The following WDR46 variants were observed in gnomAD, a reference collection of about 807,000 sequenced individuals.
The protein encoded by WDR46 is WD repeat-containing protein 46.
A neutral mutation model predicts 74.7 loss-of-function variants in WDR46; 58 were observed. The ratio of observed to expected loss-of-function variants is 0.78; its 90% CI spans 0.63 to 0.97. The LOEUF (loss-of-function observed/expected upper bound fraction) is 0.97, where lower values mean the gene tolerates loss of function less well. Ranked by LOEUF, WDR46 falls within the 50% of genes least tolerant of loss-of-function variation. The probability of loss-of-function intolerance (pLI) is 0.00; values close to 1 mark genes in which losing one functional copy is unlikely to be tolerated. For synonymous variants in WDR46, 278 were observed against 297.3 expected, an observed-to-expected ratio of 0.93 and a Z score of 0.67; for missense variants, 702 against 790.1, an observed-to-expected ratio of 0.89 and a Z score of 1.34.
At chr6:33,289,076 C>T in intron 1 of WDR46, 26 bp downstream of exon 1, 2 of 1,571,292 alleles carry the variant, frequency 1.3e-6, no homozygotes, top group Non-Finnish European at 1.8e-6. Flanking sequence ...CTAAAAACTT[C>T]GTTTCCCACC....
At chr6:33,279,403 G>A (rs1293438975) in intron 14 of WDR46, 29 bp from the exon 15 acceptor site, 2 of 1,612,426 alleles carry the variant, frequency 1.2e-6, no homozygotes, top group Admixed American at 3.3e-5. Flanking sequence ...GAGGACACAG[G>A]CACAGAGTGA....
At chr6:33,284,108 C>T (rs1766414251) in intron 10 of WDR46, among the ~76,000 whole-genome samples, 1 of 151,698 alleles carries the variant, frequency 6.6e-6, no homozygotes, top group South Asian at 2.1e-4. Flanking sequence ...ATTAACTGGG[C>T]GTGGTTCGTG....
chr6:33,281,137 TCA>T (rs1414532912), intron 10 of WDR46, 150 bp from the exon 11 acceptor site: 5 of 737,828 alleles, frequency 6.8e-6, no homozygotes, highest in Non-Finnish European at 1.1e-5. Flanking sequence ...AGGCATCCTC[TCA>T]GTTAAGCTGC....
rs778624706 is a variant in WDR46, at chr6:33,280,408, C to T, written c.1524+20G>A. ...CCAGCAATGGGGGGGATCTCACCCTCTCCAGCAGGGGAGCCTCACCTTCTC... is the reference window on the plus strand; with the variant it reads ...CCAGCAATGGGGGGGATCTCACCCTTTCCAGCAGGGGAGCCTCACCTTCTC... On this transcript the variant is annotated intron_variant, in intron 12 of 14. Transcript: ENST00000374617. The T allele has an allele frequency of 6.4e-7, 1 of 1,558,402 alleles. No individual in the cohort carries two copies. Among genetic ancestry groups the T allele is most frequent in the East Asian group, 2.4e-5 (1 of 41,800 alleles).
In WDR46 at chr6:33,288,701, G is replaced by T; in HGVS notation, c.280-7C>A. 1 of 1,613,274 alleles carries T rather than the reference G, an allele frequency of 6.2e-7. No homozygotes were observed. Among genetic ancestry groups the T allele is most frequent in the Non-Finnish European group, 8.5e-7 (1 of 1,179,504 alleles). ...CTGGGAATGGATCTTGGGTCTAGGG[G>T]AAAGGAGGACGCAATTAGCAGACAG... On this transcript the variant is annotated splice_region_variant and splice_polypyrimidine_tract_variant and intron_variant, in intron 2 of 14. Transcript: ENST00000374617.
chr6:33,287,482 A>G lies in WDR46; in HGVS notation c.752T>C (p.Leu251Pro), dbSNP rs2150910016. The change falls in exon 8 of 15, where the codon CTT (leucine) becomes CCT (proline). Residue 251 changes from leucine to proline, a missense_variant. By Grantham distance (98) the Leu-to-Pro change is moderately conservative. Transcript: ENST00000374617. ...GAGCCAGCGGTTCTGAGCAACAGCA[A>G]GCAGTGCCTCAGAATGGAGAAACCT... The part of the protein sequence containing the change: ...DIRFLHSEAL[L>P]AVAQNRWLHI... The G allele has an allele frequency of 6.2e-7, 1 of 1,613,324 alleles. No homozygotes were observed.
chr6:33,288,746 C>A, intron 2 of WDR46, 52 bp from the exon 3 acceptor site: 1 of 1,613,246 alleles, frequency 6.2e-7, no homozygotes. Flanking sequence ...GACCCCAACC[C>A]TCTCACTCTC....
rs751799999 is a variant in WDR46 at position 33,288,219 on chromosome 6, C to G, written c.490G>C (p.Asp164His). ...CATATCTTTGCTGTGTCTTCCCCAT[C>G]CTCCCCTTCCAGAAACCTGAAAGCA... The part of the protein sequence containing the change: ...AEEPGFLEGE[D>H]GEDTAKICQA... The change falls in exon 5 of 15, where the codon GAT (aspartate) becomes CAT (histidine). Residue 164 changes from aspartate to histidine, a missense_variant. Asp to His is a moderately conservative substitution (Grantham distance 81). Coordinates refer to ENST00000374617, the MANE Select transcript of WDR46 (RefSeq NM_005452.6). 2 of 1,614,226 alleles carry G rather than the reference C, an allele frequency of 1.2e-6. No individual in the cohort carries two copies. The highest frequency in any genetic ancestry group is 2.2e-5 in the East Asian group (1 of 44,886).
Position 33,288,889 on chromosome 6 carries a change from T to C in WDR46, c.194A>G (p.Lys65Arg). ...AGGCTTCTTAGAGATCCGAGACTTC[T>C]TTAAGATGTAAGCATTTTTTGGTCT... ...PQRPKNAYIL[K>R]KSRISKKPQV... Residue 65 changes from lysine to arginine, a missense_variant, in exon 2 of 15, where the codon AAG (lysine) becomes AGG (arginine). Physicochemically the swap from Lys to Arg is conservative, Grantham distance 26. Coordinates refer to ENST00000374617, the MANE Select transcript of WDR46 (RefSeq NM_005452.6). 1 of 1,614,038 alleles carries C rather than the reference T, an allele frequency of 6.2e-7. No individual in the cohort carries two copies.
chr6:33,279,954 A>G (rs1765981025), intron 12 of WDR46, 95 bp from the exon 13 acceptor site: 1 of 1,200,178 alleles, frequency 8.3e-7, no homozygotes, highest in Non-Finnish European at 1.2e-6. Context: ...CCCTCTACCC[A>G]AGACCCCCAG....
At position 33,279,823 on chromosome 6, in the gene WDR46, G is replaced by C. The variant is rs748713597; in HGVS notation, c.1561C>G (p.Leu521Val). The C allele has an allele frequency of 6.8e-6, 11 of 1,613,980 alleles. No individual in the cohort carries two copies. Among genetic ancestry groups the C allele is most frequent in the South Asian group, 1.1e-5 (1 of 91,086 alleles). Residue 521 changes from leucine (L) to valine (V), a missense_variant, in exon 13 of 15, where the codon CTG (leucine) becomes GTG (valine). Leu to Val is a conservative substitution (Grantham distance 32). Transcript: ENST00000374617. ...AELICLDPRA[L>V]AEVDVISLEQ... The stretch of plus-strand genomic sequence containing the variant: ...AGGGAGATGACATCCACCTCGGCCA[G>C]GGCTCGTGGGTCCAGACAAATAAGC...
chr6:33,284,021 AG>A (rs1477785758), intron 10 of WDR46, among the ~76,000 whole-genome samples: 1 of 152,162 alleles, frequency 6.6e-6, no homozygotes, highest in Non-Finnish European at 1.5e-5. Context: ...AGGCCGAAGC[AG>A]GTGGATCACG....
rs140430589 is a variant in WDR46 at position 33,280,852 on chromosome 6, C to A, written c.1251G>T (p.Ala417=). Residue 417 remains alanine, a synonymous_variant, in exon 11 of 15, where the codon GCG becomes GCT. Coordinates refer to ENST00000374617, the MANE Select transcript of WDR46 (RefSeq NM_005452.6). ...AGATGTTGACAACGTCACCCATTCC[C>A]GCCACCAGCAGTCCCCTCTGGGAGA... ...LAFSQRGLLV[A]GMGDVVNIWA... The A allele has an allele frequency of 3.7e-6, 6 of 1,614,074 alleles. No homozygotes were observed. The Admixed American group carries it at 1.0e-4, about 27-fold the overall frequency.
chr6:33,288,137 C>T lies in WDR46; in HGVS notation c.561+11G>A. The stretch of plus-strand genomic sequence containing the variant: ...ATCAATCCCTTGGCTCCTTTACCTC[C>T]TCAGGCTCACCTTGGCTGCACTTGC... On this transcript the variant is annotated intron_variant, in intron 5 of 14. Coordinates refer to ENST00000374617, the MANE Select transcript of WDR46 (RefSeq NM_005452.6). 6.2e-7 allele frequency: 1 copy of T among 1,614,240 alleles called. No individual in the cohort carries two copies. The highest frequency in any genetic ancestry group is 8.5e-7 in the Non-Finnish European group (1 of 1,180,046).
Position 33,280,693 on chromosome 6 carries a change from G to A in WDR46, c.1410C>T (p.Ile470=). 1 of 1,586,266 alleles carries A rather than the reference G, an allele frequency of 6.3e-7. No individual in the cohort carries two copies. Among genetic ancestry groups the A allele is most frequent in the Non-Finnish European group, 8.6e-7 (1 of 1,163,348 alleles). Residue 470 remains isoleucine (I), a synonymous_variant, in exon 11 of 15, where the codon ATC becomes ATT. Transcript: ENST00000374617. The part of the protein sequence containing the change: ...DVLGVGHTGG[I]TSMLVPGAGE... Reference sequence around the variant, plus strand: ...ACTCACCAGGGACCAGCATGCTGGTGATGCCCCCAGTGTGCCCCACCCCCA... The same window carrying A: ...ACTCACCAGGGACCAGCATGCTGGTAATGCCCCCAGTGTGCCCCACCCCCA...
intron 12 of WDR46, among the ~76,000 whole-genome samples, 170 bp downstream of exon 12, chr6:33,280,258 C>T (rs1469454109): frequency 6.7e-6 from 1 of 149,656 alleles, no homozygotes; most frequent in Non-Finnish European, 1.5e-5. Context: ...CTTACCTTCT[C>T]CAGCAGGGGG....
Position 33,289,027 on chromosome 6 carries a change from A to T in WDR46, c.70-14T>A. 6.2e-7 allele frequency: 1 copy of T among 1,613,572 alleles called. No individual in the cohort carries two copies. Among genetic ancestry groups the T allele is most frequent in the South Asian group, 1.1e-5 (1 of 91,064 alleles). On this transcript the variant is annotated splice_polypyrimidine_tract_variant and intron_variant, in intron 1 of 14. Transcript: ENST00000374617. ...TCGCCGCGGTTTCTACAGGCACATC[A>T]GGAACTCCGCACTCACGCCCCGCCC...
intron 14 of WDR46, 55 bp from the exon 15 acceptor site, chr6:33,279,429 C>T: frequency 1.9e-6 from 3 of 1,611,088 alleles, no homozygotes; most frequent in Non-Finnish European, 1.7e-6. Flanking sequence ...GGCAGGCTGA[C>T]AAGGGCAGAG....
chr6:33,287,739 G>T, intron 6 of WDR46, 21 bp from the exon 7 acceptor site: 1 of 1,612,614 alleles, frequency 6.2e-7, no homozygotes. Flanking sequence ...TGAGGGGCAG[G>T]CAGGGTGTTA....
Sources: allele counts gnomAD v4.1 joint callset (sites outside exome capture counted in the v4.1 genomes callset), GRCh38; gene constraint gnomAD v4.1.1; transcripts MANE v1.5; gene names NCBI Gene and HGNC (gene_info 2026-07-23, HGNC 2026-07-21).